Variants in HMCN1 observed in about 807,000 individuals in gnomAD.
HMCN1 encodes hemicentin-1.
A neutral mutation model predicts 625.9 loss-of-function variants in HMCN1; 321 were observed. That is an observed-to-expected ratio of 0.51 (90% CI 0.47 to 0.56). The LOEUF (loss-of-function observed/expected upper bound fraction) is 0.56, where lower values mean the gene tolerates loss of function less well. Ranked by LOEUF, HMCN1 falls within the 20% of genes least tolerant of loss-of-function variation. The probability of loss-of-function intolerance (pLI) is 0.00; values close to 1 mark genes in which losing one functional copy is unlikely to be tolerated. For synonymous variants in HMCN1, 2,425 were observed against 2,417.6 expected, an observed-to-expected ratio of 1.00 and a Z score of -0.09; for missense variants, 6,588 against 6,887.3, an observed-to-expected ratio of 0.96 and a Z score of 1.54.
intron 65 of HMCN1, 99 bp downstream of exon 65, chr1:186,093,357 A>C (rs934372413): frequency 1.4e-5 from 23 of 1,587,156 alleles, no homozygotes; most frequent in Admixed American, 5.0e-5. Flanking sequence ...TTTAGTTTTA[A>C]ATTTGATGCC....
At chr1:185,890,227 G>A (rs891000528) in intron 4 of HMCN1, among the ~76,000 whole-genome samples, 13 of 148,378 alleles carry the variant, frequency 8.8e-5, no homozygotes, top group African/African-American at 3.4e-4. Context: ...CTTGCTAGCG[G>A]TCTATCAATT....
chr1:185,842,670 G>A (rs1302316991), intron 1 of HMCN1, among the ~76,000 whole-genome samples: 6 of 151,996 alleles, frequency 3.9e-5, no homozygotes, highest in South Asian at 2.1e-4. Flanking sequence ...GGTCAAGGCC[G>A]CAGTAAGCTA....
At chr1:185,857,749 A>G (rs1662561931) in intron 2 of HMCN1, among the ~76,000 whole-genome samples, 1 of 152,164 alleles carries the variant, frequency 6.6e-6, no homozygotes, top group Admixed American at 6.5e-5. Flanking sequence ...TGCTTTGCAA[A>G]ATCTTTCACC....
chr1:185,775,048 C>A (rs1656500087), intron 1 of HMCN1, among the ~76,000 whole-genome samples: 1 of 152,158 alleles, frequency 6.6e-6, no homozygotes. Context: ...CAAATTCACC[C>A]ACTTTTCAGA....
chr1:185,963,172 T>C (rs967283970), intron 12 of HMCN1, among the ~76,000 whole-genome samples: 3 of 152,268 alleles, frequency 2.0e-5, no homozygotes, highest in Non-Finnish European at 4.4e-5. Context: ...CTCATGCTCC[T>C]ACAGTATAAT....
intron 4 of HMCN1, among the ~76,000 whole-genome samples, chr1:185,885,770 A>G (rs1374736892): frequency 5.3e-5 from 8 of 152,088 alleles, no homozygotes; most frequent in African/African-American, 1.9e-4. Flanking sequence ...TCTACCCTGA[A>G]TAAAGGAGGG....
chr1:186,107,933 T>G (rs1660692657), intron 70 of HMCN1, among the ~76,000 whole-genome samples: 1 of 151,768 alleles, frequency 6.6e-6, no homozygotes, highest in Non-Finnish European at 1.5e-5. Context: ...ACAGAAGATC[T>G]TTGGTTCATT....
At chr1:185,848,166 C>T (rs1326587577) in intron 2 of HMCN1, among the ~76,000 whole-genome samples, 2 of 151,478 alleles carry the variant, frequency 1.3e-5, no homozygotes, top group Admixed American at 6.6e-5. Context: ...TCACTGCTAT[C>T]ATTTCCTTAC....
rs536487843 is a variant in HMCN1 at position 186,065,292 on chromosome 1, A to C, written c.7568A>C (p.Asp2523Ala). The change falls in exon 49 of 107, where the codon GAT becomes GCT. Residue 2523 changes from aspartate (D) to alanine (A), a missense_variant. Transcript: ENST00000271588. ...WHKDGQPLQE[D>A]EAHHIISGGR... ...AAAGATGGGCAGCCCCTCCAAGAAGATGAAGCCCATCACATTATATCTGGT... is the reference window on the plus strand; with the variant it reads ...AAAGATGGGCAGCCCCTCCAAGAAGCTGAAGCCCATCACATTATATCTGGT... The C allele has an allele frequency of 2.0e-4, 321 of 1,612,702 alleles. 5 individuals carry two copies. The South Asian group carries it at 2.4e-3, about 12-fold the overall frequency.
rs746146089 is a variant in HMCN1, at chr1:186,123,140, C to G, written c.12419C>G (p.Pro4140Arg). The G allele has an allele frequency of 1.9e-6, 3 of 1,614,038 alleles. No homozygotes were observed. The highest frequency in any genetic ancestry group is 2.5e-6 in the Non-Finnish European group (3 of 1,179,968). ...SGSLQIAFVQ[P>R]GDAGHYTCMA... ...TCTCTGCAAATAGCATTTGTCCAGC[C>G]TGGTGATGCTGGCCATTACACGTGC... The change falls in exon 81 of 107, where the codon CCT becomes CGT. Residue 4140 changes from proline to arginine, a missense_variant. By Grantham distance (103) the Pro-to-Arg change is moderately radical. Coordinates refer to ENST00000271588, the MANE Select transcript of HMCN1 (RefSeq NM_031935.3).
chr1:186,015,465 A>G lies in HMCN1; in HGVS notation c.4909+28A>G, dbSNP rs562576087. 24 of 1,601,588 alleles carry G rather than the reference A, an allele frequency of 1.5e-5. No individual in the cohort carries two copies. The South Asian group carries it at 2.4e-4, about 16-fold the overall frequency. ...GAGGAACAACATATGCTTTAATTATATACCTTTCTACCTATGCTTTCTAAT... is the reference window on the plus strand; with the variant it reads ...GAGGAACAACATATGCTTTAATTATGTACCTTTCTACCTATGCTTTCTAAT... On this transcript the variant is annotated intron_variant, in intron 31 of 106. Transcript: ENST00000271588.
intron 1 of HMCN1, among the ~76,000 whole-genome samples, chr1:185,755,108 C>T (rs1655049964): frequency 2.0e-5 from 3 of 152,068 alleles, no homozygotes; most frequent in Admixed American, 2.0e-4. Flanking sequence ...TTATTCAAAT[C>T]CATATTTCTA....
At chr1:186,130,436 A>G (rs930641877) in intron 84 of HMCN1, 71 bp from the exon 85 acceptor site, 12 of 1,484,480 alleles carry the variant, frequency 8.1e-6, no homozygotes, top group Admixed American at 1.7e-5. Context: ...ATTTTTCCAA[A>G]TAGGTCAAAG....
chr1:186,168,291 A>T (rs1355029379), intron 100 of HMCN1, among the ~76,000 whole-genome samples: 1 of 151,718 alleles, frequency 6.6e-6, no homozygotes, highest in African/African-American at 2.4e-5. Context: ...AAATCTTTTA[A>T]AAGTATGTGA....
intron 100 of HMCN1, 53 bp from the exon 101 acceptor site, chr1:186,171,284 A>G: frequency 8.1e-7 from 1 of 1,231,016 alleles, no homozygotes; most frequent in Non-Finnish European, 1.2e-6. Context: ...AACATTTGGG[A>G]TAAATTCAGG....
intron 101 of HMCN1, among the ~76,000 whole-genome samples, chr1:186,171,747 A>C (rs1652247463): frequency 1.3e-5 from 2 of 152,112 alleles, no homozygotes; most frequent in Non-Finnish European, 2.9e-5. Flanking sequence ...AGTATATATA[A>C]ATTTTATTTT....
intron 11 of HMCN1, among the ~76,000 whole-genome samples, chr1:185,939,399 A>C (rs999137957): frequency 6.6e-6 from 1 of 152,244 alleles, no homozygotes; most frequent in Non-Finnish European, 1.5e-5. Flanking sequence ...CCGCTATGCA[A>C]ACAAACAAAT....
chr1:185,865,979 C>CA, intron 4 of HMCN1, 116 bp downstream of exon 4: 1 of 946,700 alleles, frequency 1.1e-6, no homozygotes, highest in Admixed American at 2.0e-5. Context: ...AGGTATAACT[C>CA]CAAGGCCACA....
At chr1:186,032,303 A>G (rs1282608593) in intron 36 of HMCN1, among the ~76,000 whole-genome samples, 2 of 151,438 alleles carry the variant, frequency 1.3e-5, no homozygotes, top group Non-Finnish European at 2.9e-5. Flanking sequence ...CTAATATATG[A>G]AAAAAAAACT....
Sources: allele counts gnomAD v4.1 joint callset (sites outside exome capture counted in the v4.1 genomes callset), GRCh38; gene constraint gnomAD v4.1.1; transcripts MANE v1.5; gene names NCBI Gene and HGNC (gene_info 2026-07-23, HGNC 2026-07-21).